The following SCIN variants were observed in gnomAD, a reference collection of about 807,000 sequenced individuals.
The protein encoded by SCIN is scinderin, also known as adseverin.
SCIN carries 91 observed loss-of-function variants against 91.8 expected under a neutral mutation model. That is an observed-to-expected ratio of 0.99 (90% CI 0.84 to 1.18). The LOEUF (loss-of-function observed/expected upper bound fraction) is 1.18. SCIN is among the 50% of genes most tolerant of loss of function. The probability of loss-of-function intolerance (pLI) is 0.00; values close to 1 mark genes in which losing one functional copy is unlikely to be tolerated. For missense variants in SCIN, 1,087 were observed against 863.9 expected, an observed-to-expected ratio of 1.26 and a Z score of -3.24; for synonymous variants, 367 against 312.6, an observed-to-expected ratio of 1.17 and a Z score of -1.84.
At position 12,570,771 on chromosome 7, in the gene SCIN, A is replaced by T; in HGVS notation, c.-16A>T. On this transcript the variant is annotated 5_prime_UTR_variant, in exon 1 of 16. Coordinates refer to ENST00000297029, the MANE Select transcript of SCIN (RefSeq NM_001112706.3). ...AGCGATATCACGCGTCCCCCGGAGC[A>T]TCGCGTGCAGGAGCCATGGCGCGGG... The T allele has an allele frequency of 6.5e-7, 1 of 1,548,672 alleles. No homozygotes were observed. The highest frequency in any genetic ancestry group is 1.2e-5 in the South Asian group (1 of 83,878).
At chr7:12,652,049 G>A in intron 15 of SCIN, 148 bp downstream of exon 15, 6 of 571,438 alleles carry the variant, frequency 1.0e-5, no homozygotes, top group South Asian at 2.5e-5. Context: ...AAGAGTAATG[G>A]GATTTTTTGA....
At chr7:12,638,208 G>A (rs754131238) in intron 10 of SCIN, among the ~76,000 whole-genome samples, 8 of 152,204 alleles carry the variant, frequency 5.3e-5, no homozygotes, top group South Asian at 2.1e-4. Context: ...CAATGTGTCC[G>A]TCTGCTTTCT....
At position 12,594,831 on chromosome 7, in the gene SCIN, C is replaced by T. The variant is rs78132107; in HGVS notation, c.517-9683C>T. Reference sequence around the variant, plus strand: ...ACAGAGGAACCAGAGGCCTGGAGGCCAGAGGAAGCCCTTGGCCCAGCGCTG... The same window carrying T: ...ACAGAGGAACCAGAGGCCTGGAGGCTAGAGGAAGCCCTTGGCCCAGCGCTG... On this transcript the variant is annotated intron_variant, in intron 3 of 15. Coordinates refer to ENST00000297029, the MANE Select transcript of SCIN (RefSeq NM_001112706.3). Among the ~76,000 whole-genome samples the T allele has an allele frequency of 3.2e-4, 49 of 152,190 alleles. 2 individuals are homozygous for T. The East Asian group carries it at 9.5e-3, about 30-fold the overall frequency.
chr7:12,604,347 T>A lies in SCIN; in HGVS notation c.517-167T>A, dbSNP rs541352601. Among the ~76,000 whole-genome samples the A allele has an allele frequency of 7.2e-5, 11 of 152,328 alleles. No homozygotes were observed. The East Asian group carries it at 2.1e-3, about 29-fold the overall frequency. ...TTAAAAACTGCTTACTTTGTAATGC[T>A]AACTGAAAGCAGCAGGATGCAGAAT... On this transcript the variant is annotated intron_variant, in intron 3 of 15. Transcript: ENST00000297029.
chr7:12,637,310 A>T (rs904471206), intron 10 of SCIN, among the ~76,000 whole-genome samples: 2 of 152,190 alleles, frequency 1.3e-5, no homozygotes, highest in Non-Finnish European at 2.9e-5. Flanking sequence ...TGCGTAAGTT[A>T]TGTTTTGCAC....
intron 12 of SCIN, 41 bp from the exon 13 acceptor site, chr7:12,644,543 T>C (rs1783920016): frequency 6.2e-7 from 1 of 1,605,284 alleles, no homozygotes; most frequent in African/African-American, 1.3e-5. Context: ...CAAGCATATG[T>C]CCCTGAAAAT....
intron 3 of SCIN, among the ~76,000 whole-genome samples, chr7:12,600,395 C>G (rs1202031115): frequency 6.6e-6 from 1 of 152,114 alleles, no homozygotes; most frequent in Non-Finnish European, 1.5e-5. Flanking sequence ...ACATTGGGTA[C>G]AGTGTAAACT....
intron 3 of SCIN, chr7:12,589,614 A>G (rs1782674899): frequency 6.6e-6 from 1 of 152,100 alleles, no homozygotes; most frequent in Non-Finnish European, 1.5e-5. Context: ...AAAGATACAC[A>G]GGCCGCCTTT....
intron 3 of SCIN, among the ~76,000 whole-genome samples, chr7:12,597,730 A>G (rs1284038752): frequency 6.6e-6 from 1 of 152,238 alleles, no homozygotes; most frequent in Non-Finnish European, 1.5e-5. Context: ...TCTTGTAACT[A>G]GTGGACCAGA....
At chr7:12,637,207 A>T (rs1380431179) in intron 10 of SCIN, among the ~76,000 whole-genome samples, 2 of 152,250 alleles carry the variant, frequency 1.3e-5, no homozygotes, top group East Asian at 3.8e-4. Flanking sequence ...ACAATGAGAA[A>T]TAAATACAAC....
chr7:12,608,036 G>A (rs1018422399), intron 4 of SCIN, among the ~76,000 whole-genome samples: 5 of 152,122 alleles, frequency 3.3e-5, no homozygotes, highest in African/African-American at 4.8e-5. Flanking sequence ...TATAGCTATT[G>A]TACACAACCT....
In SCIN at chr7:12,640,526, A is replaced by G; in HGVS notation, c.1581+9A>G. 4 of 1,600,002 alleles carry G rather than the reference A, an allele frequency of 2.5e-6. No individual in the cohort carries two copies. Among genetic ancestry groups the G allele is most frequent in the Non-Finnish European group, 3.4e-6 (4 of 1,173,806 alleles). On this transcript the variant is annotated intron_variant, in intron 11 of 15. Coordinates refer to ENST00000297029, the MANE Select transcript of SCIN (RefSeq NM_001112706.3). Reference sequence around the variant, plus strand: ...TCACCAGAATTGTGGAGGTAATGTCATGCATTCCATAAAACATGCCCTAGT... The same window carrying G: ...TCACCAGAATTGTGGAGGTAATGTCGTGCATTCCATAAAACATGCCCTAGT...
rs55811230 is a variant in SCIN at position 12,632,083 on chromosome 7, CATTTTATTTTATTTTATTTTATTTT to C, written c.1319+2903_1319+2927del. ...TATGGGGTGTTATATGATTGGTTTT[CATTTTATTTTATTTTATTTTATTTT>C]ATTTTATTTTATTTTATTTTATTTT... On this transcript the variant is annotated intron_variant, in intron 9 of 15. Coordinates refer to ENST00000297029, the MANE Select transcript of SCIN (RefSeq NM_001112706.3). Among the ~76,000 whole-genome samples, 501 of 120,756 alleles carry C rather than the reference CATTTTATTTTATTTTATTTTATTTT, an allele frequency of 4.1e-3. 8 individuals carry two copies. The highest frequency in any genetic ancestry group is 0.036 in the South Asian group (120 of 3,380). 79.2% of individuals were successfully genotyped at this position (120,756 alleles called of 152,430 possible).
chr7:12,638,220 G>A (rs2529781), intron 10 of SCIN, among the ~76,000 whole-genome samples: 36,108 of 152,048 alleles, frequency 0.24, 4,839 homozygotes, highest in South Asian at 0.42. Context: ...CTGCTTTCTC[G>A]TTCATTCTGT....
In SCIN at chr7:12,654,995, C is replaced by T. The variant is rs769481996; in HGVS notation, c.*2280C>T. 1.5e-4 allele frequency: 23 copies of T among 152,114 alleles called. No homozygotes were observed. Among genetic ancestry groups the T allele is most frequent in the Non-Finnish European group, 3.1e-4 (21 of 68,010 alleles). The allele number at this position is 152,114 out of a possible 1,614,324, so 9.4% of individuals were successfully genotyped here. ...ATTCACTACATGAAAATATGATATA[C>T]GGTTTTTCTTCAGTATCCGCGGGAG... On this transcript the variant is annotated 3_prime_UTR_variant, in exon 16 of 16. Coordinates refer to ENST00000297029, the MANE Select transcript of SCIN (RefSeq NM_001112706.3).
chr7:12,581,068 C>A lies in SCIN; in HGVS notation c.363C>A (p.Gly121=). The A allele has an allele frequency of 6.4e-7, 1 of 1,550,878 alleles. No individual in the cohort carries two copies. The highest frequency in any genetic ancestry group is 8.7e-7 in the Non-Finnish European group (1 of 1,146,476). The part of the protein sequence containing the change: ...FKGGLKYKAG[G]VASGLNHVLT... ...CTTCCCTCATTCATCAGGCTGGAGG[C>A]GTGGCATCTGGATTAAATCATGTTC... The change falls in exon 3 of 16, where the codon GGC becomes GGA. Residue 121 remains glycine, a synonymous_variant. Transcript: ENST00000297029.
chr7:12,606,247 GT>G (rs1783078278), intron 4 of SCIN, among the ~76,000 whole-genome samples: 2 of 152,086 alleles, frequency 1.3e-5, no homozygotes, highest in Admixed American at 1.3e-4. Flanking sequence ...AAACTTCTGC[GT>G]TTAATAGTGG....
chr7:12,638,723 T>C (rs1166720708), intron 10 of SCIN, among the ~76,000 whole-genome samples: 1 of 152,216 alleles, frequency 6.6e-6, no homozygotes. Flanking sequence ...TCCATCTTGA[T>C]ACAAGTTAGT....
chr7:12,622,833 A>T lies in SCIN; in HGVS notation c.699A>T (p.Gly233=), dbSNP rs535720137. 1.2e-6 allele frequency: 2 copies of T among 1,613,052 alleles called. No homozygotes were observed. Among genetic ancestry groups the T allele is most frequent in the South Asian group, 2.2e-5 (2 of 91,036 alleles). Residue 233 remains glycine, a synonymous_variant, in exon 5 of 16, where the codon GGA becomes GGT. Coordinates refer to ENST00000297029, the MANE Select transcript of SCIN (RefSeq NM_001112706.3). The part of the protein sequence containing the change: ...VLGEKPELPD[G]GDDDDIIADI... ...GGGAAAAGCCAGAGCTTCCAGATGG[A>T]GGTGATGATGATGACATTATAGCAG... is the stretch of plus-strand genomic sequence containing the variant.
Sources: gnomAD v4.1 joint callset for allele counts (sites outside exome capture counted in the v4.1 genomes callset) on GRCh38, gnomAD v4.1.1 for gene constraint, MANE v1.5 for transcripts, NCBI Gene and HGNC (gene_info 2026-07-23, HGNC 2026-07-21) for gene names.